EVL: variants seen among roughly 807,000 people sequenced by gnomAD.
EVL encodes the protein ena/VASP-like protein.
Under a neutral mutation model 59.6 loss-of-function variants are expected in EVL, and 21 were observed. The ratio of observed to expected loss-of-function variants is 0.35; its 90% CI spans 0.25 to 0.51. EVL has a LOEUF of 0.51. Ranked by LOEUF, EVL falls within the 20% of genes least tolerant of loss-of-function variation. The probability of loss-of-function intolerance (pLI) is 0.97; values close to 1 mark genes in which losing one functional copy is unlikely to be tolerated. For synonymous variants in EVL, 198 were observed against 203.5 expected, an observed-to-expected ratio of 0.97 and a Z score of 0.23; for missense variants, 462 against 546.6, an observed-to-expected ratio of 0.85 and a Z score of 1.54.
At chr14:100,021,344 A>G (rs2061120873) in intron 1 of EVL, among the ~76,000 whole-genome samples, 1 of 152,158 alleles carries the variant, frequency 6.6e-6, no homozygotes. Flanking sequence ...AAAGGGGGCT[A>G]TCATTATGAA....
At chr14:100,121,400 G>A (rs1237235313) in intron 3 of EVL, among the ~76,000 whole-genome samples, 1 of 152,174 alleles carries the variant, frequency 6.6e-6, no homozygotes, top group African/African-American at 2.4e-5. Context: ...ACAGACCCCT[G>A]CGCCTTGCTG....
chr14:100,042,292 A>G (rs2061479189), intron 1 of EVL, among the ~76,000 whole-genome samples: 1 of 152,206 alleles, frequency 6.6e-6, no homozygotes. Flanking sequence ...TTGGATGTCT[A>G]GAGCCCTGAT....
chr14:100,102,278 T>C (rs766661929), intron 3 of EVL: 3 of 456,090 alleles, frequency 6.6e-6, no homozygotes, highest in Non-Finnish European at 1.3e-5. Flanking sequence ...CCTTTTGCTA[T>C]ATCTGCATAA....
At chr14:99,985,754 C>T (rs1055830459) in intron 1 of EVL, among the ~76,000 whole-genome samples, 1 of 147,970 alleles carries the variant, frequency 6.8e-6, no homozygotes, top group African/African-American at 2.6e-5. Flanking sequence ...GCAACAAGAG[C>T]GAAGCTCCAT....
chr14:100,129,201 A>G (rs1443340168), intron 6 of EVL, among the ~76,000 whole-genome samples: 1 of 152,184 alleles, frequency 6.6e-6, no homozygotes, highest in African/African-American at 2.4e-5. Flanking sequence ...TGCTTGTAAG[A>G]ATAGCTCTAA....
At chr14:100,016,542 C>T (rs1260542926) in intron 1 of EVL, among the ~76,000 whole-genome samples, 1 of 152,156 alleles carries the variant, frequency 6.6e-6, no homozygotes, top group Admixed American at 6.5e-5. Context: ...AACAAACAAA[C>T]GTCCGGCCTG....
At chr14:100,091,954 G>T (rs1388483330) in intron 2 of EVL, among the ~76,000 whole-genome samples, 1 of 152,196 alleles carries the variant, frequency 6.6e-6, no homozygotes, top group African/African-American at 2.4e-5. Flanking sequence ...GAGAATAGAG[G>T]CTGGGTGCAG....
chr14:99,983,853 TG>T (rs1237060830), intron 1 of EVL, among the ~76,000 whole-genome samples: 1 of 152,202 alleles, frequency 6.6e-6, no homozygotes, highest in African/African-American at 2.4e-5. Context: ...GGCCCTTTCC[TG>T]TTAATTACCT....
chr14:100,123,617 G>T lies in EVL; in HGVS notation c.422+15G>T. The T allele has an allele frequency of 8.7e-6, 14 of 1,613,632 alleles. No homozygotes were observed. Among genetic ancestry groups the T allele is most frequent in the Non-Finnish European group, 1.2e-5 (14 of 1,179,750 alleles). The stretch of plus-strand genomic sequence containing the variant: ...ATCCAGAGAAGGTAACCCAGCACCC[G>T]CAGGGGCCAGGCTGGTCATCTCCCA... On this transcript the variant is annotated intron_variant, in intron 4 of 13. Coordinates refer to ENST00000392920, the MANE Select transcript of EVL (RefSeq NM_016337.3).
intron 1 of EVL, among the ~76,000 whole-genome samples, chr14:100,051,909 C>T (rs1298226441): frequency 5.3e-5 from 8 of 152,190 alleles, no homozygotes; most frequent in Admixed American, 5.2e-4. Context: ...AGAAGAAAGG[C>T]ATATCACTGA....
chr14:100,124,837 G>T (rs542022728), intron 4 of EVL, among the ~76,000 whole-genome samples: 1 of 152,208 alleles, frequency 6.6e-6, no homozygotes, highest in Non-Finnish European at 1.5e-5. Context: ...GTCACTGGCC[G>T]TCCGGGAATG....
chr14:99,988,518 G>A (rs1336386038), intron 1 of EVL, among the ~76,000 whole-genome samples: 2 of 152,092 alleles, frequency 1.3e-5, no homozygotes, highest in Non-Finnish European at 2.9e-5. Flanking sequence ...TTTGGAAAAC[G>A]GTTTGTCAGT....
chr14:100,110,236 T>C (rs1886875267), intron 3 of EVL, among the ~76,000 whole-genome samples: 1 of 152,036 alleles, frequency 6.6e-6, no homozygotes, highest in Non-Finnish European at 1.5e-5. Context: ...TAGCTAAGTG[T>C]GATGGCGTGT....
intron 1 of EVL, among the ~76,000 whole-genome samples, chr14:99,993,914 G>A (rs1402389604): frequency 1.5e-4 from 23 of 151,204 alleles, no homozygotes; most frequent in Non-Finnish European, 3.1e-4. Context: ...GGCTGGTCTC[G>A]AGCTCCTGAC....
At chr14:100,086,854 A>G (rs960195085) in intron 2 of EVL, among the ~76,000 whole-genome samples, 3 of 152,194 alleles carry the variant, frequency 2.0e-5, no homozygotes, top group African/African-American at 4.8e-5. Flanking sequence ...ATCTCCCCAC[A>G]TGGATGGGGC....
rs1181066033 is a variant in EVL at position 100,057,410 on chromosome 14, T to G, written c.6-27277T>G. 3.3e-5 allele frequency among the ~76,000 whole-genome samples: 5 copies of G among 152,178 alleles called. No individual in the cohort carries two copies. In the East Asian group the frequency reaches 9.6e-4, roughly 29 times the overall value. ...CATCGGGGTTTCTTTATTTGGCCATTCACACTTTCTTTCCAGATGCTGTAA... is the reference window on the plus strand; with the variant it reads ...CATCGGGGTTTCTTTATTTGGCCATGCACACTTTCTTTCCAGATGCTGTAA... On this transcript the variant is annotated intron_variant, in intron 1 of 13. Transcript: ENST00000402714.
intron 1 of EVL, among the ~76,000 whole-genome samples, chr14:99,999,705 C>A (rs890315805): frequency 6.6e-6 from 1 of 152,130 alleles, no homozygotes; most frequent in African/African-American, 2.4e-5. Flanking sequence ...TCCTTTGAGG[C>A]GCCATGGATT....
At chr14:100,007,598 G>A (rs570575658) in intron 1 of EVL, among the ~76,000 whole-genome samples, 3 of 152,372 alleles carry the variant, frequency 2.0e-5, no homozygotes, top group Admixed American at 1.3e-4. Flanking sequence ...CTTGCTGTGA[G>A]AGTGACTGGC....
In EVL at chr14:100,047,116, C is replaced by CTATTTTTTTT. The variant is rs1158933445; in HGVS notation, c.6-37570_6-37569insATTTTTTTTT. On this transcript the variant is annotated intron_variant, in intron 1 of 13. Coordinates refer to the EVL transcript ENST00000402714. ...TTTGAGACCTTGGGCAGATCTCTCT[C>CTATTTTTTTT]TCTTTTTTTTTTTTTTTTTTTTTTT... is the stretch of plus-strand genomic sequence containing the variant. Among the ~76,000 whole-genome samples, 12 of 28,458 alleles carry CTATTTTTTTT rather than the reference C, an allele frequency of 4.2e-4. 1 individual carries two copies. The East Asian group carries it at 5.4e-3, about 13-fold the overall frequency. The allele number at this position is 28,458 out of a possible 152,430, so 18.7% of individuals were successfully genotyped here.
Sources: allele counts gnomAD v4.1 joint callset (sites outside exome capture counted in the v4.1 genomes callset), GRCh38; gene constraint gnomAD v4.1.1; transcripts MANE v1.5; gene names NCBI Gene and HGNC (gene_info 2026-07-23, HGNC 2026-07-21).